The following AUTS2 variants were observed in gnomAD, a reference collection of about 807,000 sequenced individuals.
AUTS2 encodes the protein autism susceptibility gene 2 protein.
AUTS2 carries 17 observed loss-of-function variants against 112.4 expected under a neutral mutation model. The ratio of observed to expected loss-of-function variants is 0.15; its 90% CI spans 0.10 to 0.23. The LOEUF (loss-of-function observed/expected upper bound fraction) is 0.23. Among genes scored for constraint, AUTS2 ranks in the 10% least tolerant of loss-of-function variants. The pLI, the probability that AUTS2 is intolerant of heterozygous loss-of-function variation, is 1.00. For synonymous variants in AUTS2, 751 were observed against 702.7 expected (o/e 1.07, Z -1.09); for missense variants, 1,510 against 1,701.6 (o/e 0.89, Z 1.98).
chr7:70,125,110 A>T (rs1195786864), intron 3 of AUTS2, among the ~76,000 whole-genome samples: 2 of 151,790 alleles, frequency 1.3e-5, no homozygotes, highest in Admixed American at 6.6e-5. Flanking sequence ...TATGGGTCAT[A>T]TTTTCCTGCT....
chr7:70,196,971 TGAA>T (rs1319913716), intron 4 of AUTS2, among the ~76,000 whole-genome samples: 1 of 152,222 alleles, frequency 6.6e-6, no homozygotes, highest in African/African-American at 2.4e-5. Context: ...TGGCTAAATA[TGAA>T]GAAGAAAGAG....
intron 4 of AUTS2, among the ~76,000 whole-genome samples, chr7:70,151,198 T>C (rs1807418995): frequency 6.6e-6 from 1 of 152,124 alleles, no homozygotes. Flanking sequence ...ATCCCAGAGA[T>C]CTTCAGAGGA....
chr7:70,775,212 G>C, intron 12 of AUTS2, 145 bp from the exon 13 acceptor site: 1 of 711,966 alleles, frequency 1.4e-6, no homozygotes, highest in Non-Finnish European at 2.4e-6. Context: ...GTGAAAATGG[G>C]TTAATTATTC....
intron 4 of AUTS2, among the ~76,000 whole-genome samples, chr7:70,229,849 T>G (rs1811953638): frequency 6.6e-6 from 1 of 152,162 alleles, no homozygotes; most frequent in Non-Finnish European, 1.5e-5. Context: ...CCTGGTGAGG[T>G]TCTCTAGTGA....
chr7:69,982,619 G>A (rs1338224307), intron 2 of AUTS2, among the ~76,000 whole-genome samples: 3 of 152,172 alleles, frequency 2.0e-5, no homozygotes, highest in African/African-American at 4.8e-5. Flanking sequence ...ACATGAGTGC[G>A]TTTGCGTTTA....
At chr7:69,661,976 A>G (rs550554201) in intron 1 of AUTS2, among the ~76,000 whole-genome samples, 15 of 152,282 alleles carry the variant, frequency 9.9e-5, no homozygotes, top group East Asian at 3.9e-4. Context: ...TGTAATTGCA[A>G]TGATTTGAAA....
At chr7:70,175,480 A>T (rs190278760) in intron 4 of AUTS2, among the ~76,000 whole-genome samples, 2 of 152,202 alleles carry the variant, frequency 1.3e-5, no homozygotes, top group Non-Finnish European at 2.9e-5. Context: ...AAGAAGTTCT[A>T]TGTGGGTAAT....
intron 10 of AUTS2, among the ~76,000 whole-genome samples, chr7:70,769,305 A>G (rs937805645): frequency 6.6e-6 from 1 of 152,192 alleles, no homozygotes; most frequent in African/African-American, 2.4e-5. Context: ...CAGTAGACCT[A>G]TGGGTTTCCT....
At chr7:70,550,026 T>A (rs1202045451) in intron 5 of AUTS2, among the ~76,000 whole-genome samples, 1 of 152,212 alleles carries the variant, frequency 6.6e-6, no homozygotes, top group Admixed American at 6.5e-5. Context: ...AAGTAGGACT[T>A]GAACATAAAG....
intron 5 of AUTS2, among the ~76,000 whole-genome samples, chr7:70,501,018 T>C (rs1352818407): frequency 6.6e-6 from 1 of 152,180 alleles, no homozygotes; most frequent in Non-Finnish European, 1.5e-5. Flanking sequence ...CCACTGTGCC[T>C]GGCCCGAATT....
chr7:69,954,015 T>C (rs1012286724), intron 2 of AUTS2, among the ~76,000 whole-genome samples: 4 of 152,096 alleles, frequency 2.6e-5, no homozygotes, highest in Non-Finnish European at 4.4e-5. Context: ...GACTGCAGAG[T>C]GTTTGCTCCA....
intron 4 of AUTS2, among the ~76,000 whole-genome samples, chr7:70,398,035 G>A (rs763913496): frequency 3.3e-5 from 5 of 152,106 alleles, no homozygotes; most frequent in South Asian, 4.1e-4. Context: ...AAGTGTTCCC[G>A]CACTGCTTAT....
intron 2 of AUTS2, among the ~76,000 whole-genome samples, chr7:70,016,746 C>A (rs1364079280): frequency 6.6e-6 from 1 of 151,558 alleles, no homozygotes; most frequent in East Asian, 1.9e-4. Flanking sequence ...CAGCTTACTG[C>A]AACCTCCACC....
chr7:70,630,802 T>A (rs912523252), intron 5 of AUTS2, among the ~76,000 whole-genome samples: 1 of 152,248 alleles, frequency 6.6e-6, no homozygotes. Context: ...CTGTGTTTAT[T>A]GCCCATTAAA....
chr7:70,603,833 C>A (rs911931674), intron 5 of AUTS2, among the ~76,000 whole-genome samples: 18 of 152,154 alleles, frequency 1.2e-4, no homozygotes, highest in African/African-American at 4.3e-4. Flanking sequence ...CCCAGCCTCC[C>A]CCAGTTCCTC....
At chr7:70,673,340 C>T (rs909373201) in intron 5 of AUTS2, among the ~76,000 whole-genome samples, 14 of 151,608 alleles carry the variant, frequency 9.2e-5, no homozygotes, top group African/African-American at 3.1e-4. Flanking sequence ...TTGGTACTCA[C>T]TTGTAACACT....
intron 1 of AUTS2, among the ~76,000 whole-genome samples, chr7:69,696,393 G>A (rs918097268): frequency 6.6e-6 from 1 of 152,098 alleles, no homozygotes; most frequent in Non-Finnish European, 1.5e-5. Context: ...ACTCACTGGG[G>A]TATAGAATTT....
At chr7:70,372,627 C>T (rs1252580245) in intron 4 of AUTS2, among the ~76,000 whole-genome samples, 2 of 151,546 alleles carry the variant, frequency 1.3e-5, no homozygotes, top group Non-Finnish European at 2.9e-5. Context: ...TTGTACACTT[C>T]ATCTTTGCTT....
intron 4 of AUTS2, among the ~76,000 whole-genome samples, chr7:70,297,444 T>A (rs1788993240): frequency 6.6e-6 from 1 of 151,346 alleles, no homozygotes; most frequent in African/African-American, 2.4e-5. Flanking sequence ...TTTTTTTTTT[T>A]TATCGAGACA....
Sources: allele counts gnomAD v4.1 joint callset (sites outside exome capture counted in the v4.1 genomes callset), GRCh38; gene constraint gnomAD v4.1.1; transcripts MANE v1.5; gene names NCBI Gene and HGNC (gene_info 2026-07-23, HGNC 2026-07-21).